The following AFDN variants were observed in gnomAD, a reference collection of about 807,000 sequenced individuals.
The protein encoded by AFDN is afadin.
AFDN carries 68 observed loss-of-function variants against 216.6 expected under a neutral mutation model. That is an observed-to-expected ratio of 0.31 (90% CI 0.26 to 0.38). The LOEUF (loss-of-function observed/expected upper bound fraction) is 0.38, where lower values mean the gene tolerates loss of function less well. Among genes scored for constraint, AFDN ranks in the 10% least tolerant of loss-of-function variants. The pLI, the probability that AFDN is intolerant of heterozygous loss-of-function variation, is 1.00. For synonymous variants in AFDN, 868 were observed against 853.7 expected (o/e 1.02, Z -0.29); for missense variants, 2,136 against 2,342.0 (o/e 0.91, Z 1.82).
chr6:167,854,315 A>G (rs910176597), intron 1 of AFDN, among the ~76,000 whole-genome samples: 3 of 151,402 alleles, frequency 2.0e-5, no homozygotes, highest in Non-Finnish European at 4.4e-5. Context: ...AATTTTAGAA[A>G]CTCTTTATCT....
intron 7 of AFDN, 108 bp downstream of exon 7, chr6:167,889,434 C>A: frequency 1.3e-6 from 1 of 782,998 alleles, no homozygotes; most frequent in Non-Finnish European, 2.1e-6. Context: ...TTTTGGATGG[C>A]CTTGTTGTTG....
At chr6:167,964,251 A>G (rs904765261) in intron 31 of AFDN, 1 of 1,063,974 alleles carries the variant, frequency 9.4e-7, no homozygotes, top group African/African-American at 1.6e-5. Flanking sequence ...TTATAGAAAA[A>G]TGTGCCATTC....
chr6:167,895,582 A>T (rs1033035304), intron 9 of AFDN, among the ~76,000 whole-genome samples: 2 of 152,100 alleles, frequency 1.3e-5, no homozygotes, highest in Non-Finnish European at 2.9e-5. Flanking sequence ...AGAAATAGAA[A>T]ATTTTGTCAT....
chr6:167,857,977 GA>G (rs1193984286), intron 1 of AFDN, among the ~76,000 whole-genome samples: 1 of 152,158 alleles, frequency 6.6e-6, no homozygotes, highest in African/African-American at 2.4e-5. Flanking sequence ...TTTAATCACA[GA>G]TGTGATAATT....
chr6:167,841,678 T>A (rs888360525), intron 1 of AFDN, among the ~76,000 whole-genome samples: 4 of 152,218 alleles, frequency 2.6e-5, no homozygotes, highest in Non-Finnish European at 4.4e-5. Flanking sequence ...TTCCTAGCAT[T>A]CTGTAAAGTT....
chr6:167,967,070 G>C (rs1797643738), intron 32 of AFDN, among the ~76,000 whole-genome samples: 1 of 152,224 alleles, frequency 6.6e-6, no homozygotes, highest in African/African-American at 2.4e-5. Context: ...AGTAGTCATT[G>C]TTTTCAAGAC....
rs67495555 is a variant in AFDN at position 167,844,849 on chromosome 6, C to CTTTT, written c.105+17630_105+17633dup. ...TTGAGAATGAGCATCCTTTTCTTTT[C>CTTTT]TTTTTTTTTTTTTTTTTTTTTGGTT... On this transcript the variant is annotated intron_variant, in intron 1 of 33. Transcript: ENST00000683244. Among the ~76,000 whole-genome samples the CTTTT allele has an allele frequency of 2.1e-3, 272 of 127,654 alleles. 3 individuals are homozygous for CTTTT. Among genetic ancestry groups the CTTTT allele is most frequent in the East Asian group, 3.6e-3 (15 of 4,212 alleles). 83.7% of individuals were successfully genotyped at this position (127,654 alleles called of 152,430 possible). A position where few individuals can be genotyped will look rare whatever the true frequency, so the allele number is the denominator to read the frequency against.
chr6:167,950,715 C>G (rs1425908854), intron 29 of AFDN, among the ~76,000 whole-genome samples: 1 of 152,128 alleles, frequency 6.6e-6, no homozygotes, highest in Non-Finnish European at 1.5e-5. Flanking sequence ...TAAACACACT[C>G]ATTGCTTTGA....
Position 167,864,297 on chromosome 6 carries a change from G to T in AFDN, c.106-254G>T, listed in dbSNP as rs769590434. ...TGCCAAGGACCAATAGATGTTAGCT[G>T]TTGATAACATCATCTATTTGACAGC... On this transcript the variant is annotated intron_variant, in intron 1 of 33. Coordinates refer to ENST00000683244, the MANE Select transcript of AFDN (RefSeq NM_001386888.1). 6 of 688,520 alleles carry T rather than the reference G, an allele frequency of 8.7e-6. No homozygotes were observed. The African/African-American group carries it at 1.0e-4, about 12-fold the overall frequency. The allele number at this position is 688,520 out of a possible 1,614,324, so 42.7% of individuals were successfully genotyped here.
chr6:167,880,606 C>A, intron 6 of AFDN, 89 bp downstream of exon 6: 1 of 1,268,908 alleles, frequency 7.9e-7, no homozygotes, highest in Non-Finnish European at 1.1e-6. Context: ...AGATTTTCAG[C>A]CTACCATATC....
At chr6:167,909,882 C>T (rs1167081648) in intron 13 of AFDN, among the ~76,000 whole-genome samples, 2 of 152,106 alleles carry the variant, frequency 1.3e-5, no homozygotes, top group Non-Finnish European at 2.9e-5. Context: ...AGAATTCTTC[C>T]TGGTTATCTC....
At chr6:167,928,508 G>C (rs555675874) in intron 23 of AFDN, among the ~76,000 whole-genome samples, 2 of 152,238 alleles carry the variant, frequency 1.3e-5, no homozygotes, top group South Asian at 2.1e-4. Flanking sequence ...TCACTTCAAG[G>C]AGGAGCTCCA....
chr6:167,952,215 C>T, intron 30 of AFDN, 28 bp downstream of exon 30: 1 of 1,613,772 alleles, frequency 6.2e-7, no homozygotes, highest in Non-Finnish European at 8.5e-7. Context: ...TTGGCTGTGC[C>T]CATCTGTGGT....
intron 27 of AFDN, 101 bp downstream of exon 27, chr6:167,947,002 C>A: frequency 9.8e-7 from 1 of 1,020,238 alleles, no homozygotes; most frequent in Non-Finnish European, 1.4e-6. Context: ...TTATTCTCTG[C>A]AAACATTGGC....
chr6:167,919,211 A>G (rs753542459), intron 21 of AFDN, among the ~76,000 whole-genome samples: 1 of 152,252 alleles, frequency 6.6e-6, no homozygotes, highest in Non-Finnish European at 1.5e-5. Context: ...GCTGATAACA[A>G]GGAACCGTTT....
chr6:167,944,906 G>A (rs1485194103), intron 26 of AFDN, among the ~76,000 whole-genome samples: 2 of 152,094 alleles, frequency 1.3e-5, no homozygotes, highest in African/African-American at 2.4e-5. Context: ...TGAATGTGAA[G>A]GCCCAGGACA....
At chr6:167,907,345 G>T (rs977093964) in intron 13 of AFDN, 56 bp downstream of exon 13, 1 of 1,378,376 alleles carries the variant, frequency 7.3e-7, no homozygotes, top group African/African-American at 1.4e-5. Context: ...CCTAAAAAAG[G>T]GTTGGGATAA....
In AFDN at chr6:167,896,137, TTCC is replaced by T. The variant is rs1340465719; in HGVS notation, c.1223-729_1223-727del. Among the ~76,000 whole-genome samples the T allele has an allele frequency of 9.9e-5, 15 of 152,084 alleles. No homozygotes were observed. In the South Asian group the frequency reaches 2.5e-3, roughly 25 times the overall value. ...GACTAGAGGGCTTCGGCAGAGCAGC[TTCC>T]TCCTCCTCCTCACCCCTTCCCTGTC... On this transcript the variant is annotated intron_variant, in intron 9 of 33. Transcript: ENST00000683244.
At position 167,945,870 on chromosome 6, in the gene AFDN, T is replaced by C. The variant is rs577213280; in HGVS notation, c.3359-837T>C. 2.0e-5 allele frequency among the ~76,000 whole-genome samples: 3 copies of C among 152,324 alleles called. No homozygotes were observed. In the South Asian group the frequency reaches 6.2e-4, roughly 32 times the overall value. On this transcript the variant is annotated intron_variant, in intron 26 of 33. Transcript: ENST00000683244. ...GTTCAGACACAATAGGAGAAAACCA[T>C]TGTGATTCATAGCACAACTTGTTAA...
Sources: gnomAD v4.1 joint callset for allele counts (sites outside exome capture counted in the v4.1 genomes callset) on GRCh38, gnomAD v4.1.1 for gene constraint, MANE v1.5 for transcripts, NCBI Gene and HGNC (gene_info 2026-07-23, HGNC 2026-07-21) for gene names.